Variants in MFSD6 observed in about 807,000 individuals in gnomAD.
MFSD6 encodes major facilitator superfamily domain-containing protein 6.
MFSD6 carries 26 observed loss-of-function variants against 56.3 expected under a neutral mutation model. That is an observed-to-expected ratio of 0.46 (90% confidence interval 0.34 to 0.64). The LOEUF (loss-of-function observed/expected upper bound fraction) is 0.64, where lower values mean the gene tolerates loss of function less well. Among genes scored for constraint, MFSD6 ranks in the 30% least tolerant of loss-of-function variants. The probability of loss-of-function intolerance (pLI) is 0.01; values close to 1 mark genes in which losing one functional copy is unlikely to be tolerated. For missense variants in MFSD6, 750 were observed against 986.2 expected, an observed-to-expected ratio of 0.76 and a Z score of 3.21; for synonymous variants, 331 against 366.9, an observed-to-expected ratio of 0.90 and a Z score of 1.12.
intron 3 of MFSD6, among the ~76,000 whole-genome samples, chr2:190,452,561 T>C (rs991618728): frequency 3.9e-5 from 6 of 152,188 alleles, no homozygotes; most frequent in Non-Finnish European, 5.9e-5. Context: ...CAAAGTCATG[T>C]TCTCAGCTGC....
rs761952887 is a variant in MFSD6, at chr2:190,491,175, A to G, written c.1891+1309A>G. Among the ~76,000 whole-genome samples, 21 of 152,240 alleles carry G rather than the reference A, an allele frequency of 1.4e-4. No individual in the cohort carries two copies. The highest frequency in any genetic ancestry group is 3.1e-4 in the Non-Finnish European group (21 of 68,028). The stretch of plus-strand genomic sequence containing the variant: ...AAAATAAGCAATCAAATTTTAACTC[A>G]TCTTTGATTAGTGAGAATATGGTAC... On this transcript the variant is annotated intron_variant, in intron 6 of 7. Transcript: ENST00000392328. The surrounding 1 kb of genome is among the most constrained non-coding windows in gnomAD (Gnocchi z 4.2).
Position 190,499,952 on chromosome 2 carries a change from T to C in MFSD6, c.2173-63T>C. 1 of 1,604,202 alleles carries C rather than the reference T, an allele frequency of 6.2e-7. No individual in the cohort carries two copies. Among genetic ancestry groups the C allele is most frequent in the South Asian group, 1.1e-5 (1 of 90,320 alleles). On this transcript the variant is annotated intron_variant, in intron 7 of 7. Coordinates refer to ENST00000392328, the MANE Select transcript of MFSD6 (RefSeq NM_017694.4). This position sits in a 1 kb window ranked among gnomAD's most constrained non-coding sequence, Gnocchi z 6.0. The stretch of plus-strand genomic sequence containing the variant: ...GTTTCCTGTCTTACTTGAAAGCATA[T>C]ATAAAAAGTTGGATTTATTTGCTAT...
At chr2:190,483,075 G>A (rs1688789771) in intron 4 of MFSD6, among the ~76,000 whole-genome samples, 1 of 149,582 alleles carries the variant, frequency 6.7e-6, no homozygotes. Flanking sequence ...TGTATTTTTA[G>A]TAGAGACGGG....
chr2:190,421,658 T>G (rs6751731), intron 2 of MFSD6, among the ~76,000 whole-genome samples: 1 of 152,038 alleles, frequency 6.6e-6, no homozygotes, highest in African/African-American at 2.4e-5. Flanking sequence ...CATAGCTCAC[T>G]GTCCTGGGCA....
rs1208710435 is a variant in MFSD6, at chr2:190,430,890, C to T, written c.-53-5087C>T. 1.4e-3 allele frequency among the ~76,000 whole-genome samples: 129 copies of T among 91,386 alleles called. 2 individuals carry two copies. Among genetic ancestry groups the T allele is most frequent in the Admixed American group, 1.8e-3 (12 of 6,852 alleles). 60.0% of individuals were successfully genotyped at this position (91,386 alleles called of 152,430 possible). ...GGACGGGGCGGCTGCCGGGCGGAGACGCTCCTCACTTCCCAGATGGGGTGG... is the reference window on the plus strand; with the variant it reads ...GGACGGGGCGGCTGCCGGGCGGAGATGCTCCTCACTTCCCAGATGGGGTGG... On this transcript the variant is annotated intron_variant, in intron 2 of 7. Transcript: ENST00000392328.
In MFSD6 at chr2:190,492,153, G is replaced by T. The variant is rs1284419661; in HGVS notation, c.1891+2287G>T. ...TGAACAAAGCCTCCAAGAAGTTTAG[G>T]ATTATGTTAAATAAACAAACCTAAG... On this transcript the variant is annotated intron_variant, in intron 6 of 7. Coordinates refer to ENST00000392328, the MANE Select transcript of MFSD6 (RefSeq NM_017694.4). The surrounding 1 kb of genome is among the most constrained non-coding windows in gnomAD (Gnocchi z 5.2). Among the ~76,000 whole-genome samples, 1 of 152,078 alleles carries T rather than the reference G, an allele frequency of 6.6e-6. No homozygotes were observed. Among genetic ancestry groups the T allele is most frequent in the African/African-American group, 2.4e-5 (1 of 41,426 alleles).
At position 190,498,011 on chromosome 2, in the gene MFSD6, G is replaced by T; in HGVS notation, c.2172+292G>T. On this transcript the variant is annotated intron_variant, in intron 7 of 7. Transcript: ENST00000392328. The surrounding 1 kb of genome is among the most constrained non-coding windows in gnomAD (Gnocchi z 5.9). ...TAATCCATTCTTTCATTGTATATTT[G>T]TTTTAAATTTCAGTATTGATGGTTG... 1 of 248,420 alleles carries T rather than the reference G, an allele frequency of 4.0e-6. No individual in the cohort carries two copies. The highest frequency in any genetic ancestry group is 7.8e-6 in the Non-Finnish European group (1 of 128,620). 15.4% of individuals were successfully genotyped at this position (248,420 alleles called of 1,614,324 possible).
intron 4 of MFSD6, among the ~76,000 whole-genome samples, chr2:190,474,647 G>A (rs377447755): frequency 2.0e-5 from 3 of 152,212 alleles, no homozygotes; most frequent in East Asian, 1.9e-4. Flanking sequence ...ACAAGGAGGA[G>A]CTGGTACCAT....
rs1271782842 is a variant in MFSD6, at chr2:190,501,960, G to A, written c.*1742G>A. 2.6e-5 allele frequency: 4 copies of A among 152,602 alleles called. No individual in the cohort carries two copies. Among genetic ancestry groups the A allele is most frequent in the Non-Finnish European group, 5.9e-5 (4 of 68,018 alleles). 9.5% of individuals were successfully genotyped at this position (152,602 alleles called of 1,614,324 possible). A position where few individuals can be genotyped will look rare whatever the true frequency, so the allele number is the denominator to read the frequency against. ...TGTGGATTTGTGAAACTGACTGTAG[G>A]AAGTCAAAAACTTGTACTGTATCTT... On this transcript the variant is annotated 3_prime_UTR_variant, in exon 8 of 8. Coordinates refer to ENST00000392328, the MANE Select transcript of MFSD6 (RefSeq NM_017694.4).
In MFSD6 at chr2:190,495,345, T is replaced by A. The variant is rs1044950568; in HGVS notation, c.1892-2094T>A. 6.6e-6 allele frequency among the ~76,000 whole-genome samples: 1 copy of A among 152,064 alleles called. No homozygotes were observed. The highest frequency in any genetic ancestry group is 2.4e-5 in the African/African-American group (1 of 41,414). ...TACAAAACACTGCTGAAAGAAATCA[T>A]ACATGACATACACAAATGGAAACAT... On this transcript the variant is annotated intron_variant, in intron 6 of 7. Coordinates refer to ENST00000392328, the MANE Select transcript of MFSD6 (RefSeq NM_017694.4). This position sits in a 1 kb window ranked among gnomAD's most constrained non-coding sequence, Gnocchi z 4.7.
At position 190,488,861 on chromosome 2, in the gene MFSD6, A is replaced by T; in HGVS notation, c.1792+43A>T. On this transcript the variant is annotated intron_variant, in intron 5 of 7. Transcript: ENST00000392328. This position sits in a 1 kb window ranked among gnomAD's most constrained non-coding sequence, Gnocchi z 6.4. The stretch of plus-strand genomic sequence containing the variant: ...CTTTTTTTTCTTTTCTATTATTAAA[A>T]CATGATTTTTTCCAGCAATACCTCA... The T allele has an allele frequency of 1.3e-6, 2 of 1,486,050 alleles. No homozygotes were observed. Among genetic ancestry groups the T allele is most frequent in the South Asian group, 1.4e-5 (1 of 71,084 alleles). 92.1% of individuals were successfully genotyped at this position (1,486,050 alleles called of 1,614,324 possible). A position where few individuals can be genotyped will look rare whatever the true frequency, so the allele number is the denominator to read the frequency against.
In MFSD6 at chr2:190,444,124, T is replaced by C. The variant is rs77988024; in HGVS notation, c.1532+6563T>C. On this transcript the variant is annotated intron_variant, in intron 3 of 7. Coordinates refer to ENST00000392328, the MANE Select transcript of MFSD6 (RefSeq NM_017694.4). ...AGTACTAGAAAATGAAGTACTTTTA[T>C]ACTTTCAATTTTGTAGGATATGTGT... Among the ~76,000 whole-genome samples, 17 of 152,366 alleles carry C rather than the reference T, an allele frequency of 1.1e-4. 1 individual carries two copies. The East Asian group carries it at 3.3e-3, about 29-fold the overall frequency.
intron 2 of MFSD6, among the ~76,000 whole-genome samples, chr2:190,422,596 T>C (rs1027338386): frequency 1.3e-5 from 2 of 152,212 alleles, no homozygotes; most frequent in East Asian, 1.9e-4. Flanking sequence ...CTGATGCTTA[T>C]TATGTGAAAT....
At position 190,462,061 on chromosome 2, in the gene MFSD6, A is replaced by G. The variant is rs1687357697; in HGVS notation, c.1533-7697A>G. On this transcript the variant is annotated intron_variant, in intron 3 of 7. Transcript: ENST00000392328. The surrounding 1 kb of genome is among the most constrained non-coding windows in gnomAD (Gnocchi z 5.7). ...TCTACAGAAATATACTCCTTAGGCG[A>G]TGAAGGGCCCTATCATCGCAGATTT... Among the ~76,000 whole-genome samples, 1 of 152,148 alleles carries G rather than the reference A, an allele frequency of 6.6e-6. No individual in the cohort carries two copies. Among genetic ancestry groups the G allele is most frequent in the African/African-American group, 2.4e-5 (1 of 41,432 alleles).
chr2:190,500,302 C>T lies in MFSD6; in HGVS notation c.*84C>T, dbSNP rs531229116. The T allele has an allele frequency of 1.0e-5, 15 of 1,456,820 alleles. No individual in the cohort carries two copies. In the African/African-American group the frequency reaches 2.0e-4, roughly 19 times the overall value. The allele number at this position is 1,456,820 out of a possible 1,614,324, so 90.2% of individuals were successfully genotyped here. A position where few individuals can be genotyped will look rare whatever the true frequency, so the allele number is the denominator to read the frequency against. On this transcript the variant is annotated 3_prime_UTR_variant, in exon 8 of 8. Coordinates refer to ENST00000392328, the MANE Select transcript of MFSD6 (RefSeq NM_017694.4). The surrounding 1 kb of genome is among the most constrained non-coding windows in gnomAD (Gnocchi z 5.3). The stretch of plus-strand genomic sequence containing the variant: ...GTGAGGCCCCCCAGCCAGGATATGC[C>T]TCCCCTGGAGGAGCACAGCACTGCA...
rs879871382 is a variant in MFSD6 at position 190,500,390 on chromosome 2, T to C, written c.*172T>C. Reference sequence around the variant, plus strand: ...ACACACACAGGAGCTACAGTACATATTGGCAGGAAAAGGTAAACTTTCGTA... The same window carrying C: ...ACACACACAGGAGCTACAGTACATACTGGCAGGAAAAGGTAAACTTTCGTA... On this transcript the variant is annotated 3_prime_UTR_variant, in exon 8 of 8. Transcript: ENST00000392328. The surrounding 1 kb of genome is among the most constrained non-coding windows in gnomAD (Gnocchi z 5.3). 13 of 700,470 alleles carry C rather than the reference T, an allele frequency of 1.9e-5. No homozygotes were observed. Among genetic ancestry groups the C allele is most frequent in the African/African-American group, 5.4e-5 (3 of 55,596 alleles). 43.4% of individuals were successfully genotyped at this position (700,470 alleles called of 1,614,324 possible).
chr2:190,501,478 A>C lies in MFSD6; in HGVS notation c.*1260A>C, dbSNP rs1477024705. On this transcript the variant is annotated 3_prime_UTR_variant, in exon 8 of 8. Transcript: ENST00000392328. ...AAAATCAAAGCAGAGGTTAACAGGA[A>C]ACCTGGGGGGAGTGTGGAAAAGGGA... is the stretch of plus-strand genomic sequence containing the variant. The C allele has an allele frequency of 6.6e-6, 1 of 152,192 alleles. No individual in the cohort carries two copies. The highest frequency in any genetic ancestry group is 2.4e-5 in the African/African-American group (1 of 41,440). The allele number at this position is 152,192 out of a possible 1,614,324, so 9.4% of individuals were successfully genotyped here. A position where few individuals can be genotyped will look rare whatever the true frequency, so the allele number is the denominator to read the frequency against.
chr2:190,466,657 C>G (rs1397835384), intron 3 of MFSD6, among the ~76,000 whole-genome samples: 1 of 152,166 alleles, frequency 6.6e-6, no homozygotes, highest in African/African-American at 2.4e-5. Flanking sequence ...CTACAGAATA[C>G]ATGTTTTTAT....
At chr2:190,479,629 C>CA (rs1411630322) in intron 4 of MFSD6, among the ~76,000 whole-genome samples, 1 of 152,144 alleles carries the variant, frequency 6.6e-6, no homozygotes. Context: ...TTGCAAAACT[C>CA]AGAGATGAGT....
Sources: gnomAD v4.1 joint callset for allele counts (sites outside exome capture counted in the v4.1 genomes callset) on GRCh38, gnomAD v4.1.1 for gene constraint, Gnocchi (gnomAD v3.1) non-coding constraint, MANE v1.5 for transcripts, NCBI Gene and HGNC (gene_info 2026-07-23, HGNC 2026-07-21) for gene names.